CLASP1: variants seen among roughly 807,000 people sequenced by gnomAD.
CLASP1 encodes cytoplasmic linker associated protein 1, also known as CLIP-associating protein 1.
In CLASP1, 38 loss-of-function variants were observed where a neutral mutation model predicts 192.3. The observed-to-expected ratio is 0.20, with a 90% CI of 0.15 to 0.26. The LOEUF (loss-of-function observed/expected upper bound fraction) is 0.26, where lower values mean the gene tolerates loss of function less well. Among genes scored for constraint, CLASP1 ranks in the 10% least tolerant of loss-of-function variants. CLASP1 has a pLI of 1.00. For missense variants in CLASP1, 1,433 were observed against 1,932.5 expected, an observed-to-expected ratio of 0.74 and a Z score of 4.85; for synonymous variants, 691 against 712.8, an observed-to-expected ratio of 0.97 and a Z score of 0.49.
chr2:121,360,560 G>A (rs1044476892), intron 37 of CLASP1, among the ~76,000 whole-genome samples: 5 of 150,138 alleles, frequency 3.3e-5, no homozygotes, highest in Non-Finnish European at 7.4e-5. Context: ...GGAAAAGATT[G>A]GTTAAAATAA....
At chr2:121,576,531 C>G (rs1350440964) in intron 2 of CLASP1, among the ~76,000 whole-genome samples, 1 of 152,116 alleles carries the variant, frequency 6.6e-6, no homozygotes, top group Non-Finnish European at 1.5e-5. Flanking sequence ...AGATTTGAAA[C>G]CAGCCACTTC....
At chr2:121,487,403 G>A (rs1345491845) in intron 8 of CLASP1, among the ~76,000 whole-genome samples, 1 of 152,062 alleles carries the variant, frequency 6.6e-6, no homozygotes, top group Non-Finnish European at 1.5e-5. Flanking sequence ...AACCCAACAC[G>A]CAGATCAACT....
chr2:121,455,867 CA>C (rs1559270714), intron 14 of CLASP1, among the ~76,000 whole-genome samples: 1 of 151,884 alleles, frequency 6.6e-6, no homozygotes, highest in Non-Finnish European at 1.5e-5. Context: ...ACCTCTAAAG[CA>C]AACAAAATTG....
chr2:121,483,861 A>C (rs990794616), intron 8 of CLASP1, among the ~76,000 whole-genome samples: 15 of 152,356 alleles, frequency 9.8e-5, no homozygotes, highest in Admixed American at 2.6e-4. Flanking sequence ...AACTTGTTTC[A>C]AAATTTCAAA....
chr2:121,348,634 T>C (rs768537850), exon 38 of CLASP1: 1 of 1,613,924 alleles, frequency 6.2e-7, no homozygotes, highest in South Asian at 1.1e-5. Context: ...GCCGTCTGGA[T>C]GATGGGGCAG....
At chr2:121,382,665 T>C (rs1377933870) in intron 32 of CLASP1, among the ~76,000 whole-genome samples, 2 of 152,180 alleles carry the variant, frequency 1.3e-5, no homozygotes, top group East Asian at 1.9e-4. Flanking sequence ...GGGAAGGACA[T>C]AACACAATAC....
At chr2:121,457,025 A>G (rs1176449992) in intron 14 of CLASP1, among the ~76,000 whole-genome samples, 1 of 152,242 alleles carries the variant, frequency 6.6e-6, no homozygotes, top group Non-Finnish European at 1.5e-5. Context: ...AAAACACTCA[A>G]GAATCACAGG....
chr2:121,348,632 G>A (rs746559768), exon 38 of CLASP1: 5 of 1,613,956 alleles, frequency 3.1e-6, no homozygotes, highest in Admixed American at 1.7e-5. Flanking sequence ...CGGCCGTCTG[G>A]ATGATGGGGC....
At chr2:121,526,842 A>G (rs1053481343) in intron 5 of CLASP1, among the ~76,000 whole-genome samples, 1 of 152,210 alleles carries the variant, frequency 6.6e-6, no homozygotes, top group African/African-American at 2.4e-5. Flanking sequence ...CTTGAAATTT[A>G]TAATTTTTAA....
In CLASP1 at chr2:121,547,752, A is replaced by C. The variant is rs1452141926; in HGVS notation, c.196-17427T>G. 2.0e-5 allele frequency among the ~76,000 whole-genome samples: 3 copies of C among 152,150 alleles called. No homozygotes were observed. In the East Asian group the frequency reaches 5.8e-4, roughly 29 times the overall value. Reference sequence around the variant, plus strand: ...TACGGGGGAGCCACACAACCAAGCAAGAGTGTACCATGACCAGTATGCCTA... The same window carrying C: ...TACGGGGGAGCCACACAACCAAGCACGAGTGTACCATGACCAGTATGCCTA... On this transcript the variant is annotated intron_variant, in intron 2 of 39. Transcript: ENST00000263710.
At chr2:121,454,759 T>A (rs2086264851) in intron 14 of CLASP1, among the ~76,000 whole-genome samples, 1 of 152,172 alleles carries the variant, frequency 6.6e-6, no homozygotes, top group African/African-American at 2.4e-5. Flanking sequence ...CAAAGATCCG[T>A]GTCATCTTAT....
At chr2:121,346,555 A>C (rs1410252485) in intron 39 of CLASP1, among the ~76,000 whole-genome samples, 1 of 152,222 alleles carries the variant, frequency 6.6e-6, no homozygotes, top group African/African-American at 2.4e-5. Flanking sequence ...GGGGCACGTT[A>C]AGGGGGATGA....
At chr2:121,567,852 C>T (rs755434395) in intron 2 of CLASP1, among the ~76,000 whole-genome samples, 12 of 152,276 alleles carry the variant, frequency 7.9e-5, no homozygotes, top group Non-Finnish European at 1.2e-4. Context: ...TACAAATACA[C>T]GATATCAGAG....
intron 20 of CLASP1, among the ~76,000 whole-genome samples, chr2:121,428,382 ATT>A (rs2080816886): frequency 1.3e-5 from 2 of 152,218 alleles, no homozygotes; most frequent in African/African-American, 4.8e-5. Context: ...ACACTGCAAA[ATT>A]ACATGCTTAG....
At chr2:121,637,764 T>TA (rs2071175097) in intron 1 of CLASP1, among the ~76,000 whole-genome samples, 1 of 151,994 alleles carries the variant, frequency 6.6e-6, no homozygotes, top group Non-Finnish European at 1.5e-5. Context: ...TGCATGCCTG[T>TA]AATCTCAGTT....
At chr2:121,607,233 G>C (rs1031480366) in intron 1 of CLASP1, among the ~76,000 whole-genome samples, 2 of 152,028 alleles carry the variant, frequency 1.3e-5, no homozygotes, top group Non-Finnish European at 2.9e-5. Flanking sequence ...CAGCTACTTA[G>C]GAGGCTGAGG....
At chr2:121,538,770 G>T (rs1382671503) in intron 2 of CLASP1, among the ~76,000 whole-genome samples, 4 of 149,764 alleles carry the variant, frequency 2.7e-5, no homozygotes, top group Non-Finnish European at 4.4e-5. Context: ...GGGCGACAGA[G>T]CAAGACTCAG....
At chr2:121,440,030 A>C (rs966539950) in intron 19 of CLASP1, among the ~76,000 whole-genome samples, 2 of 149,992 alleles carry the variant, frequency 1.3e-5, no homozygotes, top group African/African-American at 4.9e-5. Flanking sequence ...ACACGTATAC[A>C]TATGTAACTA....
intron 17 of CLASP1, 93 bp downstream of exon 17, chr2:121,448,860 C>G: frequency 1.6e-6 from 2 of 1,274,400 alleles, no homozygotes; most frequent in South Asian, 2.9e-5. Flanking sequence ...AACAAGCACC[C>G]ATGTAAAAAC....
Sources: gnomAD v4.1 joint callset for allele counts (sites outside exome capture counted in the v4.1 genomes callset) on GRCh38, gnomAD v4.1.1 for gene constraint, MANE v1.5 for transcripts, NCBI Gene and HGNC (gene_info 2026-07-23, HGNC 2026-07-21) for gene names.